ASIC2: variants seen among roughly 807,000 people sequenced by gnomAD.
The protein encoded by ASIC2 is acid-sensing ion channel 2.
Under a neutral mutation model 57.3 loss-of-function variants are expected in ASIC2, and 25 were observed. That is an observed-to-expected ratio of 0.44 (90% CI 0.32 to 0.61). The LOEUF is 0.61. ASIC2 is among the 20% of genes least tolerant of loss of function. The pLI is 0.06. For missense variants in ASIC2, 641 were observed against 738.1 expected, an observed-to-expected ratio of 0.87 and a Z score of 1.52; for synonymous variants, 319 against 307.5, an observed-to-expected ratio of 1.04 and a Z score of -0.39.
intron 1 of ASIC2, among the ~76,000 whole-genome samples, chr17:34,016,685 A>G (rs1906993452): frequency 6.6e-6 from 1 of 152,206 alleles, no homozygotes; most frequent in African/African-American, 2.4e-5. Flanking sequence ...AGGATCCAGA[A>G]GAAATTTTTA....
intron 1 of ASIC2, among the ~76,000 whole-genome samples, chr17:33,320,745 C>T (rs1906837216): frequency 1.3e-5 from 2 of 152,170 alleles, no homozygotes. Context: ...CCTTGCTTTT[C>T]CTGGAAATGC....
chr17:33,776,452 C>A (rs959256446), intron 1 of ASIC2, among the ~76,000 whole-genome samples: 4 of 152,188 alleles, frequency 2.6e-5, no homozygotes, highest in African/African-American at 9.7e-5. Context: ...TGTTTATAAG[C>A]CACCAGTCTG....
chr17:33,233,007 G>A (rs554802817), intron 1 of ASIC2, among the ~76,000 whole-genome samples: 1 of 152,070 alleles, frequency 6.6e-6, no homozygotes, highest in Non-Finnish European at 1.5e-5. Context: ...CTTGTGAAGT[G>A]GGGGAAGGGG....
rs553733381 is a variant in ASIC2 at position 33,785,464 on chromosome 17, T to G, written c.555+370514A>C. On this transcript the variant is annotated intron_variant, in intron 1 of 9. Coordinates refer to the ASIC2 transcript ENST00000359872. ...ATGAAGACACTGAGGCTTAGAGAGG[T>G]TACATAATCTTCCCAAGTCATGGCT... is the stretch of plus-strand genomic sequence containing the variant. Among the ~76,000 whole-genome samples, 7 of 152,192 alleles carry G rather than the reference T, an allele frequency of 4.6e-5. No homozygotes were observed. In the East Asian group the frequency reaches 9.7e-4, roughly 21 times the overall value.
intron 1 of ASIC2, among the ~76,000 whole-genome samples, chr17:33,895,655 T>A (rs1237285015): frequency 6.6e-6 from 1 of 152,178 alleles, no homozygotes; most frequent in Non-Finnish European, 1.5e-5. Context: ...CTTTTTAAAA[T>A]CCTTCATAAT....
intron 1 of ASIC2, among the ~76,000 whole-genome samples, chr17:34,087,052 A>T (rs2142084010): frequency 6.6e-6 from 1 of 151,938 alleles, no homozygotes; most frequent in Non-Finnish European, 1.5e-5. Flanking sequence ...TAAAGTTAAT[A>T]TCGTTCTGTG....
intron 1 of ASIC2, among the ~76,000 whole-genome samples, chr17:33,460,110 T>A (rs9913454): frequency 0.24 from 37,052 of 152,092 alleles, 4,603 homozygotes; most frequent in African/African-American, 0.27. Flanking sequence ...CTCCAACACA[T>A]CTATTTCTTC....
In ASIC2 at chr17:33,967,046, C is replaced by CAA. The variant is rs1337522765; in HGVS notation, c.555+188930_555+188931dup. Among the ~76,000 whole-genome samples, 4 of 152,150 alleles carry CAA rather than the reference C, an allele frequency of 2.6e-5. No individual in the cohort carries two copies. In the South Asian group the frequency reaches 8.3e-4, roughly 32 times the overall value. The stretch of plus-strand genomic sequence containing the variant: ...TCGCCAAAAGCAACTCGCTCCACCC[C>CAA]AACTCTCCTTTTCCTGGTTCTCTGA... On this transcript the variant is annotated intron_variant, in intron 1 of 9. Coordinates refer to the ASIC2 transcript ENST00000359872.
intron 1 of ASIC2, among the ~76,000 whole-genome samples, chr17:33,927,514 A>G (rs893113119): frequency 2.0e-5 from 3 of 152,234 alleles, no homozygotes; most frequent in Admixed American, 1.3e-4. Context: ...CTATCAATGC[A>G]GCACAGAGGG....
rs116014037 is a variant in ASIC2 at position 34,022,477 on chromosome 17, C to A, written c.555+133501G>T. Among the ~76,000 whole-genome samples the A allele has an allele frequency of 5.4e-3, 829 of 152,218 alleles. 6 individuals are homozygous for A. The highest frequency in any genetic ancestry group is 0.019 in the African/African-American group (789 of 41,540). ...TACTAGGAAGTAAGATGGGCAATCA[C>A]TGAGTATCCACCCTTGAAATTCTCT... On this transcript the variant is annotated intron_variant, in intron 1 of 9. Transcript: ENST00000359872.
Position 33,013,728 on chromosome 17 carries a change from T to C in ASIC2, c.*237A>G, listed in dbSNP as rs1250331075. 1 of 557,572 alleles carries C rather than the reference T, an allele frequency of 1.8e-6. No homozygotes were observed. Among genetic ancestry groups the C allele is most frequent in the Non-Finnish European group, 3.2e-6 (1 of 310,698 alleles). The allele number at this position is 557,572 out of a possible 1,614,324, so 34.5% of individuals were successfully genotyped here. A position where few individuals can be genotyped will look rare whatever the true frequency, so the allele number is the denominator to read the frequency against. ...GTGAGATGTGATGGCAGGTTCGTTCTTGGACAGTTCCAGAGTGTGACTCAT... is the reference window on the plus strand; with the variant it reads ...GTGAGATGTGATGGCAGGTTCGTTCCTGGACAGTTCCAGAGTGTGACTCAT... On this transcript the variant is annotated 3_prime_UTR_variant, in exon 10 of 10. Coordinates refer to ENST00000225823, the MANE Select transcript of ASIC2 (RefSeq NM_183377.2).
intron 1 of ASIC2, among the ~76,000 whole-genome samples, chr17:33,232,508 T>TAC (rs1908144987): frequency 1.4e-5 from 2 of 142,728 alleles, no homozygotes; most frequent in Non-Finnish European, 3.1e-5. Context: ...CGGTATGGTA[T>TAC]GGTATGGCAG....
intron 1 of ASIC2, among the ~76,000 whole-genome samples, chr17:33,880,158 G>T: frequency 6.6e-6 from 1 of 152,214 alleles, no homozygotes. Context: ...AAGCAGGAAA[G>T]ATCAAAAATT....
At chr17:33,365,718 TA>T (rs370002120) in intron 1 of ASIC2, among the ~76,000 whole-genome samples, 34 of 149,120 alleles carry the variant, frequency 2.3e-4, no homozygotes, top group South Asian at 1.7e-3. Flanking sequence ...CCTGATGACT[TA>T]AAAAAAAAAC....
chr17:33,060,329 A>G (rs1385693627), intron 3 of ASIC2, among the ~76,000 whole-genome samples: 1 of 152,112 alleles, frequency 6.6e-6, no homozygotes, highest in Non-Finnish European at 1.5e-5. Flanking sequence ...ATCTTGAATT[A>G]ATTTTTGTAT....
chr17:34,006,957 T>G (rs1906547510), intron 1 of ASIC2, among the ~76,000 whole-genome samples: 1 of 152,138 alleles, frequency 6.6e-6, no homozygotes, highest in South Asian at 2.1e-4. Context: ...GATCATCCAG[T>G]GGTGATATTT....
At chr17:33,610,716 A>T (rs1179922913) in intron 1 of ASIC2, among the ~76,000 whole-genome samples, 7 of 149,148 alleles carry the variant, frequency 4.7e-5, no homozygotes, top group Non-Finnish European at 8.8e-5. Context: ...AAATAAATAA[A>T]AAATAAATAA....
chr17:33,099,216 C>A (rs1379382940), intron 2 of ASIC2, among the ~76,000 whole-genome samples: 1 of 151,948 alleles, frequency 6.6e-6, no homozygotes, highest in Admixed American at 6.6e-5. Flanking sequence ...GGGGTTTCTC[C>A]ATGTTGGCCA....
intron 1 of ASIC2, among the ~76,000 whole-genome samples, chr17:33,847,290 G>A (rs1051450380): frequency 2.0e-5 from 3 of 151,920 alleles, no homozygotes; most frequent in Non-Finnish European, 4.4e-5. Flanking sequence ...CAAGTGGGGA[G>A]AGTAACACCC....
Sources: gnomAD v4.1 joint callset for allele counts (sites outside exome capture counted in the v4.1 genomes callset) on GRCh38, gnomAD v4.1.1 for gene constraint, MANE v1.5 for transcripts, NCBI Gene and HGNC (gene_info 2026-07-23, HGNC 2026-07-21) for gene names.